Variants in FCHO2 observed in about 807,000 individuals in gnomAD.
The protein encoded by FCHO2 is F-BAR domain only protein 2.
A neutral mutation model predicts 114.1 loss-of-function variants in FCHO2; 43 were observed. The observed-to-expected ratio is 0.38, with a 90% CI of 0.30 to 0.49. The LOEUF is 0.49. FCHO2 is among the 20% of genes least tolerant of loss of function. The probability of loss-of-function intolerance (pLI) is 0.97; values close to 1 mark genes in which losing one functional copy is unlikely to be tolerated. For synonymous variants in FCHO2, 293 were observed against 315.2 expected (o/e 0.93, Z 0.75); for missense variants, 807 against 950.4 (o/e 0.85, Z 1.98).
At chr5:73,027,018 G>GTTTTTTT (rs1369730233) in intron 8 of FCHO2, among the ~76,000 whole-genome samples, 1 of 107,126 alleles carries the variant, frequency 9.3e-6, no homozygotes. Context: ...TTGTTTGTTT[G>GTTTTTTT]TTTTTTTTTT....
At chr5:72,975,934 A>G (rs1257134959) in intron 2 of FCHO2, among the ~76,000 whole-genome samples, 2 of 152,236 alleles carry the variant, frequency 1.3e-5, no homozygotes, top group Non-Finnish European at 2.9e-5. Flanking sequence ...TGCAGTAAAC[A>G]TCTGTGTGCA....
At chr5:72,998,703 GTA>G (rs1287303435) in intron 5 of FCHO2, among the ~76,000 whole-genome samples, 1 of 150,346 alleles carries the variant, frequency 6.7e-6, no homozygotes, top group Non-Finnish European at 1.5e-5. Flanking sequence ...ATAGTACCTA[GTA>G]TGCCGTGACC....
At chr5:73,014,781 G>A (rs1258186022) in intron 6 of FCHO2, among the ~76,000 whole-genome samples, 1 of 151,974 alleles carries the variant, frequency 6.6e-6, no homozygotes, top group Non-Finnish European at 1.5e-5. Flanking sequence ...ATTTTAATGT[G>A]TAATGGCTCC....
intron 8 of FCHO2, chr5:73,034,414 C>T (rs1756389265): frequency 2.9e-6 from 1 of 348,022 alleles, no homozygotes; most frequent in Admixed American, 4.9e-5. Flanking sequence ...AATTGGTTTT[C>T]AGTAAATTAT....
At chr5:73,064,619 G>C (rs931714352) in intron 18 of FCHO2, among the ~76,000 whole-genome samples, 2 of 151,922 alleles carry the variant, frequency 1.3e-5, no homozygotes, top group Non-Finnish European at 2.9e-5. Context: ...AGTCTGTGTG[G>C]TTGACTGTTT....
intron 2 of FCHO2, among the ~76,000 whole-genome samples, chr5:72,982,605 T>C (rs1753274527): frequency 1.3e-5 from 2 of 152,202 alleles, no homozygotes; most frequent in South Asian, 4.1e-4. Flanking sequence ...ATATTGTGTC[T>C]AAAAAGTCAT....
chr5:72,985,494 G>A (rs181327899), intron 2 of FCHO2, among the ~76,000 whole-genome samples: 33 of 152,200 alleles, frequency 2.2e-4, no homozygotes, highest in African/African-American at 7.0e-4. Flanking sequence ...TACTTCTTAG[G>A]TGGTGGTGTG....
intron 2 of FCHO2, among the ~76,000 whole-genome samples, chr5:72,981,303 A>G (rs1268027794): frequency 2.0e-5 from 3 of 152,180 alleles, no homozygotes. Context: ...GGGTTTCTGC[A>G]GAGATATCCA....
Position 73,058,468 on chromosome 5 carries a change from T to C in FCHO2, c.1289T>C (p.Leu430Pro). 1 of 1,575,700 alleles carries C rather than the reference T, an allele frequency of 6.3e-7. No homozygotes were observed. The highest frequency in any genetic ancestry group is 8.6e-7 in the Non-Finnish European group (1 of 1,158,540). Residue 430 changes from leucine (L) to proline (P), a missense_variant, in exon 17 of 26, where the codon CTA becomes CCA. Transcript: ENST00000430046. Reference sequence around the variant, plus strand: ...AGTGATTTACTTGCTTGGGACCCCCTATTTGGACCATCTCTTGATTCATCT... The same window carrying C: ...AGTGATTTACTTGCTTGGGACCCCCCATTTGGACCATCTCTTGATTCATCT... Reference protein sequence around the residue: ...GTSDLLAWDPLFGPSLDSSSS... With the variant: ...GTSDLLAWDPPFGPSLDSSSS...
chr5:72,997,258 CT>C, intron 5 of FCHO2: 2 of 1,242,664 alleles, frequency 1.6e-6, no homozygotes, highest in East Asian at 2.3e-5. Context: ...ATGTGGATTT[CT>C]TTTTGGAAGT....
intron 2 of FCHO2, among the ~76,000 whole-genome samples, chr5:72,970,103 G>GT (rs1220610653): frequency 1.3e-5 from 2 of 152,064 alleles, no homozygotes; most frequent in Non-Finnish European, 2.9e-5. Context: ...AGTTGGAGTG[G>GT]TTTTTTTGAA....
intron 2 of FCHO2, among the ~76,000 whole-genome samples, chr5:72,977,313 G>A (rs1752944420): frequency 6.6e-6 from 1 of 151,930 alleles, no homozygotes. Flanking sequence ...TTAATGATGG[G>A]CATTCTGACT....
rs1743367982 is a variant in FCHO2 at position 73,087,961 on chromosome 5, G to A, written c.2411-107G>A. 4.0e-6 allele frequency: 6 copies of A among 1,483,514 alleles called. No individual in the cohort carries two copies. In the Admixed American group the frequency reaches 9.5e-5, roughly 23 times the overall value. The allele number at this position is 1,483,514 out of a possible 1,614,324, so 91.9% of individuals were successfully genotyped here. Reference sequence around the variant, plus strand: ...ACCTGTTATCTGATTCTAATGTACTGTAAATAGCAGATGGGAACTAGAGTT... The same window carrying A: ...ACCTGTTATCTGATTCTAATGTACTATAAATAGCAGATGGGAACTAGAGTT... On this transcript the variant is annotated intron_variant, in intron 25 of 25. Coordinates refer to ENST00000430046, the MANE Select transcript of FCHO2 (RefSeq NM_138782.3).
chr5:73,067,499 G>T (rs1365784019), intron 18 of FCHO2, among the ~76,000 whole-genome samples: 1 of 152,016 alleles, frequency 6.6e-6, no homozygotes, highest in African/African-American at 2.4e-5. Flanking sequence ...TGGGTAGGGG[G>T]TTACAAATTG....
chr5:73,082,086 TG>T, intron 23 of FCHO2, 104 bp downstream of exon 23: 1 of 1,099,742 alleles, frequency 9.1e-7, no homozygotes, highest in African/African-American at 1.6e-5. Context: ...GAAAAATTTT[TG>T]TGCCTTTTTC....
intron 9 of FCHO2, among the ~76,000 whole-genome samples, chr5:73,036,036 G>T (rs150441684): frequency 5.3e-4 from 80 of 152,082 alleles, no homozygotes; most frequent in African/African-American, 1.8e-3. Flanking sequence ...AGTAGAAACG[G>T]GGTTTCACCA....
chr5:73,004,959 A>C (rs1413784707), intron 5 of FCHO2, among the ~76,000 whole-genome samples: 2 of 152,234 alleles, frequency 1.3e-5, no homozygotes, highest in African/African-American at 2.4e-5. Context: ...GGCTTCAGAC[A>C]TCTACTGGGA....
intron 2 of FCHO2, among the ~76,000 whole-genome samples, chr5:72,987,646 A>G (rs1753606523): frequency 1.3e-5 from 2 of 151,986 alleles, no homozygotes; most frequent in African/African-American, 2.4e-5. Context: ...CTGATTAGGG[A>G]TGTTTAATCT....
At chr5:72,975,720 G>A (rs998590175) in intron 2 of FCHO2, among the ~76,000 whole-genome samples, 1 of 152,144 alleles carries the variant, frequency 6.6e-6, no homozygotes, top group Admixed American at 6.5e-5. Flanking sequence ...AGCCAGGCTG[G>A]TCTGGAACTC....
Sources: allele counts gnomAD v4.1 joint callset (sites outside exome capture counted in the v4.1 genomes callset), GRCh38; gene constraint gnomAD v4.1.1; transcripts MANE v1.5; gene names NCBI Gene and HGNC (gene_info 2026-07-23, HGNC 2026-07-21).